NR1I2: variants seen among roughly 807,000 people sequenced by gnomAD.
The protein encoded by NR1I2 is nuclear receptor subfamily 1 group I member 2.
Under a neutral mutation model 43.3 loss-of-function variants are expected in NR1I2, and 42 were observed. That is an observed-to-expected ratio of 0.97 (90% CI 0.76 to 1.26). The LOEUF (loss-of-function observed/expected upper bound fraction) is 1.26. NR1I2 is among the 50% of genes most tolerant of loss of function. The pLI is 0.00. For missense variants in NR1I2, 559 were observed against 566.7 expected (o/e 0.99, Z 0.14); for synonymous variants, 229 against 215.0 (o/e 1.06, Z -0.57).
chr3:119,817,585 C>A lies in NR1I2; in HGVS notation c.*373C>A. On this transcript the variant is annotated 3_prime_UTR_variant, in exon 9 of 9. Transcript: ENST00000393716. ...AAGGGACCAAGCGACCAAGGATGGGCCATCTGGGGTCTATGCCCACATACC... is the reference window on the plus strand; with the variant it reads ...AAGGGACCAAGCGACCAAGGATGGGACATCTGGGGTCTATGCCCACATACC... 8.5e-7 allele frequency: 1 copy of A among 1,170,878 alleles called. No homozygotes were observed. Among genetic ancestry groups the A allele is most frequent in the Non-Finnish European group, 1.1e-6 (1 of 934,668 alleles). 72.5% of individuals were successfully genotyped at this position (1,170,878 alleles called of 1,614,324 possible).
In NR1I2 at chr3:119,812,975, C is replaced by T; in HGVS notation, c.794+15C>T. On this transcript the variant is annotated intron_variant, in intron 5 of 8. Coordinates refer to ENST00000393716, the MANE Select transcript of NR1I2 (RefSeq NM_003889.4). ...TCCTACTTCAGGTAGGACATGGAGACTGGGTGGTTGGGTGTGGAAAAGAAC... is the reference window on the plus strand; with the variant it reads ...TCCTACTTCAGGTAGGACATGGAGATTGGGTGGTTGGGTGTGGAAAAGAAC... The T allele has an allele frequency of 6.2e-7, 1 of 1,611,352 alleles. No homozygotes were observed. The highest frequency in any genetic ancestry group is 8.5e-7 in the Non-Finnish European group (1 of 1,179,980).
At chr3:119,798,638 T>TAAG (rs1169473652) in intron 1 of NR1I2, among the ~76,000 whole-genome samples, 1 of 36,018 alleles carries the variant, frequency 2.8e-5, no homozygotes, top group Non-Finnish European at 5.5e-5. Flanking sequence ...AGACTCCGTC[T>TAAG]CAAAAAAAAA....
intron 1 of NR1I2, among the ~76,000 whole-genome samples, chr3:119,789,755 A>T (rs2054891843): frequency 6.6e-6 from 1 of 152,214 alleles, no homozygotes; most frequent in East Asian, 1.9e-4. Context: ...CTCTGAGTGC[A>T]CTGTGGCTGC....
intron 1 of NR1I2, among the ~76,000 whole-genome samples, chr3:119,793,934 T>C (rs1192360295): frequency 6.6e-6 from 1 of 152,210 alleles, no homozygotes; most frequent in Non-Finnish European, 1.5e-5. Flanking sequence ...ATGTCTGTCA[T>C]TTGTTGTGAT....
At chr3:119,799,588 A>G (rs1279120590) in intron 1 of NR1I2, among the ~76,000 whole-genome samples, 1 of 152,202 alleles carries the variant, frequency 6.6e-6, no homozygotes, top group Non-Finnish European at 1.5e-5. Flanking sequence ...AAAACAAACA[A>G]ACACAAACAA....
intron 1 of NR1I2, among the ~76,000 whole-genome samples, chr3:119,800,879 G>T (rs2055071110): frequency 1.3e-5 from 2 of 152,216 alleles, no homozygotes; most frequent in African/African-American, 4.8e-5. Flanking sequence ...AAAGTTTGCA[G>T]GCAATCATGG....
Position 119,817,953 on chromosome 3 carries a change from CAAACAG to C in NR1I2, c.*747_*752del. 3.0e-6 allele frequency: 3 copies of C among 983,898 alleles called. No individual in the cohort carries two copies. The highest frequency in any genetic ancestry group is 3.6e-6 in the Non-Finnish European group (3 of 829,538). 60.9% of individuals were successfully genotyped at this position (983,898 alleles called of 1,614,324 possible). ...CTCACAGAGTTTATAGTTAAAAAAA[CAAACAG>C]AAACACAAACGATTTGGATCAAAAG... On this transcript the variant is annotated 3_prime_UTR_variant, in exon 9 of 9. Transcript: ENST00000393716.
intron 6 of NR1I2, 82 bp from the exon 7 acceptor site, chr3:119,815,241 G>C: frequency 6.4e-7 from 1 of 1,574,458 alleles, no homozygotes; most frequent in Non-Finnish European, 8.7e-7. Context: ...TGGAATGGTG[G>C]AAAACAAGAT....
chr3:119,791,272 C>T (rs1286850639), intron 1 of NR1I2, among the ~76,000 whole-genome samples: 1 of 152,172 alleles, frequency 6.6e-6, no homozygotes, highest in South Asian at 2.1e-4. Flanking sequence ...TGCTTGGGCA[C>T]CAGGAGCTTC....
chr3:119,811,688 A>C lies in NR1I2; in HGVS notation c.481A>C (p.Thr161Pro). 13 of 1,613,134 alleles carry C rather than the reference A, an allele frequency of 8.1e-6. No individual in the cohort carries two copies. Among genetic ancestry groups the C allele is most frequent in the Non-Finnish European group, 1.1e-5 (13 of 1,179,614 alleles). Residue 161 changes from threonine to proline, a missense_variant, in exon 4 of 9, where the codon ACC (threonine) becomes CCC (proline). Transcript: ENST00000393716. Reference sequence around the variant, plus strand: ...GGAGCTGATGGACGCTCAGATGAAAACCTTTGACACTACCTTCTCCCATTT... The same window carrying C: ...GGAGCTGATGGACGCTCAGATGAAACCCTTTGACACTACCTTCTCCCATTT...
chr3:119,813,868 C>G (rs1297090694), intron 5 of NR1I2, among the ~76,000 whole-genome samples: 1 of 152,122 alleles, frequency 6.6e-6, no homozygotes, highest in African/African-American at 2.4e-5. Flanking sequence ...CAGGGCTTCC[C>G]ACTTGCTATT....
intron 1 of NR1I2, among the ~76,000 whole-genome samples, chr3:119,801,569 C>A (rs1008979939): frequency 6.6e-6 from 1 of 152,222 alleles, no homozygotes; most frequent in African/African-American, 2.4e-5. Flanking sequence ...TGGGCTGGCT[C>A]CCCCATCACC....
chr3:119,814,674 G>GAGCTGTA, intron 5 of NR1I2, among the ~76,000 whole-genome samples: 1 of 152,230 alleles, frequency 6.6e-6, no homozygotes, highest in Non-Finnish European at 1.5e-5. Context: ...CTAGCTGTAG[G>GAGCTGTA]TCAGGATTTG....
In NR1I2 at chr3:119,782,738, C is replaced by A. The variant is rs369151993; in HGVS notation, c.-23+438C>A. 4 of 1,606,350 alleles carry A rather than the reference C, an allele frequency of 2.5e-6. No individual in the cohort carries two copies. The African/African-American group carries it at 5.4e-5, about 21-fold the overall frequency. ...CTGCTGGGTTAGTGCTGGCAGCCCC[C>A]TGAGGCCAAGGACAGCAGCATGACA... On this transcript the variant is annotated intron_variant, in intron 1 of 8. Coordinates refer to ENST00000393716, the MANE Select transcript of NR1I2 (RefSeq NM_003889.4).
At chr3:119,807,541 G>A in intron 2 of NR1I2, 94 bp downstream of exon 2, 1 of 1,098,198 alleles carries the variant, frequency 9.1e-7, no homozygotes, top group East Asian at 2.4e-5. Flanking sequence ...CAGGTTCAGA[G>A]TGTGGGCTGG....
chr3:119,804,763 A>AC (rs1409346240), intron 1 of NR1I2, among the ~76,000 whole-genome samples: 4 of 151,850 alleles, frequency 2.6e-5, no homozygotes, highest in Non-Finnish European at 4.4e-5. Flanking sequence ...TGGTATTTCT[A>AC]CCATACATCT....
intron 1 of NR1I2, among the ~76,000 whole-genome samples, chr3:119,790,845 A>G (rs551017593): frequency 2.8e-4 from 43 of 152,264 alleles, no homozygotes; most frequent in Admixed American, 7.8e-4. Flanking sequence ...CCTACACCAC[A>G]TATTTTTCCA....
rs1439814825 is a variant in NR1I2 at position 119,817,138 on chromosome 3, C to A, written c.1231C>A (p.Leu411Met). 6.2e-7 allele frequency: 1 copy of A among 1,614,096 alleles called. No individual in the cohort carries two copies. The highest frequency in any genetic ancestry group is 1.3e-5 in the African/African-American group (1 of 74,938). Residue 411 changes from leucine (L) to methionine (M), a missense_variant, in exon 9 of 9, where the codon CTG becomes ATG. Leu to Met is a conservative substitution (Grantham distance 15, BLOSUM62 2). Coordinates refer to ENST00000393716, the MANE Select transcript of NR1I2 (RefSeq NM_003889.4). ...CATCAATGCTCAGCACACCCAGCGG[C>A]TGCTGCGCATCCAGGACATACACCC...
At position 119,804,110 on chromosome 3, in the gene NR1I2, G is replaced by A. The variant is rs867073569; in HGVS notation, c.-22-3119G>A. On this transcript the variant is annotated intron_variant, in intron 1 of 8. Coordinates refer to ENST00000393716, the MANE Select transcript of NR1I2 (RefSeq NM_003889.4). ...TTAATGGCCAGGCACGGTGGCTCAC[G>A]CCTGTAATCCCAGCACTTTGGGAGG... is the stretch of plus-strand genomic sequence containing the variant. Among the ~76,000 whole-genome samples the A allele has an allele frequency of 1.5e-3, 231 of 149,320 alleles. 1 individual carries two copies. Among genetic ancestry groups the A allele is most frequent in the African/African-American group, 4.8e-3 (197 of 41,020 alleles).
Sources: allele counts gnomAD v4.1 joint callset (sites outside exome capture counted in the v4.1 genomes callset), GRCh38; gene constraint gnomAD v4.1.1; transcripts MANE v1.5; gene names NCBI Gene and HGNC (gene_info 2026-07-23, HGNC 2026-07-21).